Variants in CDH13 observed in about 807,000 individuals in gnomAD.
CDH13 encodes cadherin 13, also known as cadherin-13.
Under a neutral mutation model 63.8 loss-of-function variants are expected in CDH13, and 24 were observed. The ratio of observed to expected loss-of-function variants is 0.38; its 90% CI spans 0.27 to 0.53. The LOEUF (loss-of-function observed/expected upper bound fraction) is 0.53, where lower values mean the gene tolerates loss of function less well. Among genes scored for constraint, CDH13 ranks in the 20% least tolerant of loss-of-function variants. The pLI is 0.85. For missense variants in CDH13, 1,049 were observed against 903.1 expected (o/e 1.16, Z -2.07); for synonymous variants, 503 against 355.3 (o/e 1.42, Z -4.67).
At chr16:82,973,741 A>G (rs1909101446) in intron 2 of CDH13, among the ~76,000 whole-genome samples, 1 of 152,168 alleles carries the variant, frequency 6.6e-6, no homozygotes, top group South Asian at 2.1e-4. Context: ...CTATCCCATG[A>G]CATTTCCTTT....
intron 5 of CDH13, among the ~76,000 whole-genome samples, chr16:83,223,573 G>T (rs941079150): frequency 2.0e-5 from 3 of 152,140 alleles, no homozygotes; most frequent in African/African-American, 7.2e-5. Flanking sequence ...GCCCTGCTTG[G>T]GTTACCTAAA....
intron 2 of CDH13, among the ~76,000 whole-genome samples, chr16:82,872,339 C>T (rs185349888): frequency 6.6e-6 from 1 of 152,304 alleles, no homozygotes; most frequent in Non-Finnish European, 1.5e-5. Flanking sequence ...CACTCTTCAA[C>T]CTGTTGAGTG....
intron 3 of CDH13, among the ~76,000 whole-genome samples, chr16:83,107,702 A>C (rs1408172379): frequency 2.0e-5 from 3 of 150,394 alleles, no homozygotes; most frequent in Admixed American, 2.0e-4. Flanking sequence ...TTGATTCTGG[A>C]GCATTTGCGT....
At chr16:83,216,529 T>C (rs2039535854) in intron 4 of CDH13, among the ~76,000 whole-genome samples, 1 of 140,352 alleles carries the variant, frequency 7.1e-6, no homozygotes, top group Admixed American at 7.5e-5. Context: ...ATATATGTAA[T>C]ATTTAATATA....
At chr16:82,911,972 G>A (rs1034081235) in intron 2 of CDH13, among the ~76,000 whole-genome samples, 7 of 151,960 alleles carry the variant, frequency 4.6e-5, no homozygotes, top group African/African-American at 1.7e-4. Context: ...AACCTCATGT[G>A]CTTGTGACCC....
intron 10 of CDH13, among the ~76,000 whole-genome samples, chr16:83,705,880 A>T (rs1464116655): frequency 6.6e-6 from 1 of 152,244 alleles, no homozygotes; most frequent in Non-Finnish European, 1.5e-5. Context: ...CTTAAATTTT[A>T]TAAAACAAAG....
chr16:83,003,231 G>C (rs1255502617), intron 2 of CDH13, among the ~76,000 whole-genome samples: 1 of 152,186 alleles, frequency 6.6e-6, no homozygotes, highest in East Asian at 1.9e-4. Context: ...TATATTTTGA[G>C]CTGAGAATTG....
intron 1 of CDH13, among the ~76,000 whole-genome samples, chr16:82,758,531 A>G (rs1452742470): frequency 1.3e-5 from 2 of 151,544 alleles, no homozygotes; most frequent in African/African-American, 4.9e-5. Flanking sequence ...AAGCTGATTG[A>G]GCGGAGCTGT....
chr16:83,553,975 C>A (rs2075557479), intron 7 of CDH13, among the ~76,000 whole-genome samples: 1 of 152,160 alleles, frequency 6.6e-6, no homozygotes, highest in Admixed American at 6.5e-5. Context: ...ATAAACGATT[C>A]TGCAGTGAAC....
At chr16:83,368,314 A>G (rs959843861) in intron 6 of CDH13, among the ~76,000 whole-genome samples, 6 of 152,218 alleles carry the variant, frequency 3.9e-5, no homozygotes, top group African/African-American at 1.4e-4. Flanking sequence ...CTGAGGTAGC[A>G]TTGTTCCAAA....
At chr16:83,087,646 C>G (rs1230934113) in intron 3 of CDH13, among the ~76,000 whole-genome samples, 1 of 116,396 alleles carries the variant, frequency 8.6e-6, no homozygotes, top group Non-Finnish European at 1.6e-5. Context: ...CCAGCCCGGG[C>G]GACGAAGCAA....
intron 7 of CDH13, among the ~76,000 whole-genome samples, chr16:83,593,562 T>C (rs1160858090): frequency 6.6e-6 from 1 of 150,678 alleles, no homozygotes; most frequent in African/African-American, 2.4e-5. Flanking sequence ...TTATTTTTTA[T>C]ATATTATATA....
chr16:82,766,133 C>A (rs528031033), intron 1 of CDH13, among the ~76,000 whole-genome samples: 1 of 152,330 alleles, frequency 6.6e-6, no homozygotes, highest in South Asian at 2.1e-4. Flanking sequence ...AGAAGCCCAA[C>A]ATGAAAATCA....
At chr16:83,129,497 G>C (rs924425018) in intron 4 of CDH13, among the ~76,000 whole-genome samples, 1 of 152,312 alleles carries the variant, frequency 6.6e-6, no homozygotes, top group East Asian at 1.9e-4. Flanking sequence ...TATGAAGCCA[G>C]CTACCCCTGT....
chr16:83,410,191 T>C (rs1039690702), intron 6 of CDH13, among the ~76,000 whole-genome samples: 1 of 152,202 alleles, frequency 6.6e-6, no homozygotes, highest in African/African-American at 2.4e-5. Context: ...AAGTTGTTAA[T>C]GGAATTCAGC....
chr16:82,883,325 T>C (rs766352316), intron 2 of CDH13, among the ~76,000 whole-genome samples: 1 of 152,212 alleles, frequency 6.6e-6, no homozygotes, highest in African/African-American at 2.4e-5. Context: ...CACATCATTG[T>C]ATTTAATAGC....
chr16:82,853,947 C>T (rs1169594284), intron 1 of CDH13, among the ~76,000 whole-genome samples: 3 of 152,090 alleles, frequency 2.0e-5, no homozygotes, highest in African/African-American at 7.2e-5. Flanking sequence ...AAAGGGCTTG[C>T]CTGGTTTTGG....
intron 6 of CDH13, among the ~76,000 whole-genome samples, chr16:83,402,586 G>A (rs1567648205): frequency 6.6e-6 from 1 of 152,192 alleles, no homozygotes; most frequent in South Asian, 2.1e-4. Context: ...CATGATTTAT[G>A]TATGACGAAC....
intron 4 of CDH13, chr16:83,181,235 G>C (rs1335056774): frequency 2.8e-6 from 1 of 358,170 alleles, no homozygotes; most frequent in Non-Finnish European, 5.1e-6. Flanking sequence ...TTTCTTCTCA[G>C]TCCAAGGCAG....
Sources: gnomAD v4.1 joint callset for allele counts (sites outside exome capture counted in the v4.1 genomes callset) on GRCh38, gnomAD v4.1.1 for gene constraint, MANE v1.5 for transcripts, NCBI Gene and HGNC (gene_info 2026-07-23, HGNC 2026-07-21) for gene names.